Variants in PTK6 observed in about 807,000 individuals in gnomAD.
PTK6 encodes the protein protein tyrosine kinase 6.
Under a neutral mutation model 47.5 loss-of-function variants are expected in PTK6, and 47 were observed. The observed-to-expected ratio is 0.99, with a 90% CI of 0.78 to 1.26. The LOEUF is 1.26. Ranked by LOEUF, PTK6 falls within the 50% of genes most tolerant of loss-of-function variation. PTK6 has a pLI of 0.00. For missense variants in PTK6, 618 were observed against 625.3 expected (o/e 0.99, Z 0.12); for synonymous variants, 287 against 276.5 (o/e 1.04, Z -0.38).
rs775054676 is a variant in PTK6 at position 63,529,647 on chromosome 20, G to A, written c.1245C>T (p.Ser415=). The change falls in exon 8 of 8, where the codon AGC becomes AGT. Residue 415 remains serine, a synonymous_variant. Coordinates refer to ENST00000542869, the MANE Select transcript of PTK6 (RefSeq NM_005975.4). This position sits in a 1 kb window ranked among gnomAD's most constrained non-coding sequence, Gnocchi z 5.6. ...AGCATGTCAGCATCAGCTTGTGCAC[G>A]CTGGGCGGGCACTCCAGAGGGCAGG... The part of the protein sequence containing the change: ...RMPCPLECPP[S]VHKLMLTCWC... 9.0e-6 allele frequency: 14 copies of A among 1,547,822 alleles called. No individual in the cohort carries two copies. The highest frequency in any genetic ancestry group is 2.4e-5 in the South Asian group (2 of 83,840).
In PTK6 at chr20:63,530,899, C is replaced by T. The variant is rs757476804; in HGVS notation, c.861G>A (p.Ser287=). 1.6e-5 allele frequency: 25 copies of T among 1,612,800 alleles called. No individual in the cohort carries two copies. Among genetic ancestry groups the T allele is most frequent in the East Asian group, 6.7e-5 (3 of 44,776 alleles). The change falls in exon 6 of 8, where the codon TCG becomes TCA. Residue 287 remains serine (S), a synonymous_variant. Transcript: ENST00000542869. This position sits in a 1 kb window ranked among gnomAD's most constrained non-coding sequence, Gnocchi z 4.1. ...RDSDEKVLPV[S]ELLDIAWQVA... is the part of the protein sequence containing the mutation. ...CCTGCCAGGCGATGTCCAGCAGCTCCGAAACGGGCAGGACTTTCTCATCAG... is the reference window on the plus strand; with the variant it reads ...CCTGCCAGGCGATGTCCAGCAGCTCTGAAACGGGCAGGACTTTCTCATCAG...
chr20:63,529,541 T>C lies in PTK6; in HGVS notation c.1351A>G (p.Thr451Ala). 1 of 1,567,306 alleles carries C rather than the reference T, an allele frequency of 6.4e-7. No individual in the cohort carries two copies. Among genetic ancestry groups the C allele is most frequent in the East Asian group, 2.4e-5 (1 of 42,424 alleles). ...LSSFTSYENP[T>A] is the part of the protein sequence containing the mutation. Reference sequence around the variant, plus strand: ...CATGCCCGCTCCACAGCAGCTCAGGTCGGGTTCTCGTAGCTGGTGAAGCTG... The same window carrying C: ...CATGCCCGCTCCACAGCAGCTCAGGCCGGGTTCTCGTAGCTGGTGAAGCTG... The change falls in exon 8 of 8, where the codon ACC (threonine) becomes GCC (alanine). Residue 451 changes from threonine (T) to alanine (A), a missense_variant. Thr to Ala is a moderately conservative substitution (Grantham distance 58, BLOSUM62 0). Coordinates refer to ENST00000542869, the MANE Select transcript of PTK6 (RefSeq NM_005975.4). The surrounding 1 kb of genome is among the most constrained non-coding windows in gnomAD (Gnocchi z 5.6).
intron 4 of PTK6, 117 bp from the exon 5 acceptor site, chr20:63,532,804 C>T: frequency 7.6e-7 from 1 of 1,323,880 alleles, no homozygotes; most frequent in Non-Finnish European, 1.0e-6. Context: ...GTGCAGGACA[C>T]ACAGACCTCC....
At position 63,530,286 on chromosome 20, in the gene PTK6, G is replaced by A. The variant is rs1472700849; in HGVS notation, c.1015-55C>T. Reference sequence around the variant, plus strand: ...TGGGGGCTGCCTGTGCCCTGCCCCCGAAGCATGGACGGGCACAGCGGCCGC... The same window carrying A: ...TGGGGGCTGCCTGTGCCCTGCCCCCAAAGCATGGACGGGCACAGCGGCCGC... On this transcript the variant is annotated intron_variant, in intron 6 of 7. Transcript: ENST00000542869. This position sits in a 1 kb window ranked among gnomAD's most constrained non-coding sequence, Gnocchi z 4.1. The A allele has an allele frequency of 8.1e-6, 13 of 1,597,076 alleles. No homozygotes were observed. The highest frequency in any genetic ancestry group is 6.7e-5 in the Admixed American group (4 of 59,530).
At chr20:63,535,912 C>G (rs1268731043) in intron 1 of PTK6, among the ~76,000 whole-genome samples, 3 of 29,304 alleles carry the variant, frequency 1.0e-4, no homozygotes, top group Admixed American at 2.9e-4. Flanking sequence ...CCGCCCCCCC[C>G]TCACCTGGCC....
At chr20:63,532,355 C>CTGTG (rs1200462020) in intron 5 of PTK6, among the ~76,000 whole-genome samples, 171 bp downstream of exon 5, 3 of 143,220 alleles carry the variant, frequency 2.1e-5, no homozygotes, top group African/African-American at 7.7e-5. Context: ...GCATGTGTGT[C>CTGTG]TGTGCGTGTG....
chr20:63,534,929 G>A lies in PTK6; in HGVS notation c.352+9C>T, dbSNP rs748934937. On this transcript the variant is annotated intron_variant, in intron 2 of 7. Coordinates refer to ENST00000542869, the MANE Select transcript of PTK6 (RefSeq NM_005975.4). The stretch of plus-strand genomic sequence containing the variant: ...CAGGCAAGCACAGGCTCGGAGGCCG[G>A]GGCCGCACCCGACAGGACGTAGTCG... The A allele has an allele frequency of 7.5e-6, 12 of 1,590,616 alleles. No homozygotes were observed. The East Asian group carries it at 2.7e-4, about 36-fold the overall frequency.
chr20:63,534,847 G>T, intron 2 of PTK6, 91 bp downstream of exon 2: 1 of 1,465,580 alleles, frequency 6.8e-7, no homozygotes, highest in Admixed American at 2.2e-5. Context: ...CCCCGTCTCA[G>T]CCAGAGCGAG....
In PTK6 at chr20:63,530,697, C is replaced by T. The variant is rs771878133; in HGVS notation, c.1014+49G>A. Reference sequence around the variant, plus strand: ...CCACACACAGGAAGCCCCCAGCCCTCCGGCCACGCCCCGGCCACGACCCCA... The same window carrying T: ...CCACACACAGGAAGCCCCCAGCCCTTCGGCCACGCCCCGGCCACGACCCCA... On this transcript the variant is annotated intron_variant, in intron 6 of 7. Coordinates refer to ENST00000542869, the MANE Select transcript of PTK6 (RefSeq NM_005975.4). This position sits in a 1 kb window ranked among gnomAD's most constrained non-coding sequence, Gnocchi z 4.1. The T allele has an allele frequency of 1.7e-5, 27 of 1,592,522 alleles. No homozygotes were observed. In the East Asian group the frequency reaches 4.5e-4, roughly 27 times the overall value.
chr20:63,529,501 T>G lies in PTK6; in HGVS notation c.*35A>C. ...CCAGGCCCTCTGCCCAGGCCCCTCC[T>G]CAGCAGGGCCCGGCCATGCCCGCTC... On this transcript the variant is annotated 3_prime_UTR_variant, in exon 8 of 8. Transcript: ENST00000542869. This position sits in a 1 kb window ranked among gnomAD's most constrained non-coding sequence, Gnocchi z 5.6. The G allele has an allele frequency of 6.6e-7, 1 of 1,514,220 alleles. No homozygotes were observed. The highest frequency in any genetic ancestry group is 8.8e-7 in the Non-Finnish European group (1 of 1,131,270). 93.8% of individuals were successfully genotyped at this position (1,514,220 alleles called of 1,614,324 possible). A position where few individuals can be genotyped will look rare whatever the true frequency, so the allele number is the denominator to read the frequency against.
At chr20:63,536,429 G>A (rs1176550019) in intron 1 of PTK6, among the ~76,000 whole-genome samples, 2 of 149,724 alleles carry the variant, frequency 1.3e-5, no homozygotes, top group African/African-American at 2.5e-5. Context: ...TGGGTCCCCC[G>A]GGAGCTAACC....
At position 63,530,902 on chromosome 20, in the gene PTK6, A is replaced by G. The variant is rs138147541; in HGVS notation, c.858T>C (p.Val286=). ...LRDSDEKVLP[V]SELLDIAWQV... is the part of the protein sequence containing the mutation. ...GCCAGGCGATGTCCAGCAGCTCCGA[A>G]ACGGGCAGGACTTTCTCATCAGAGT... The change falls in exon 6 of 8, where the codon GTT becomes GTC. Residue 286 remains valine, a synonymous_variant. Coordinates refer to ENST00000542869, the MANE Select transcript of PTK6 (RefSeq NM_005975.4). This position sits in a 1 kb window ranked among gnomAD's most constrained non-coding sequence, Gnocchi z 4.1. The G allele has an allele frequency of 4.3e-6, 7 of 1,612,588 alleles. No homozygotes were observed. Among genetic ancestry groups the G allele is most frequent in the Non-Finnish European group, 4.2e-6 (5 of 1,179,454 alleles).
chr20:63,534,895 G>A, intron 2 of PTK6, 43 bp downstream of exon 2: 1 of 1,560,428 alleles, frequency 6.4e-7, no homozygotes, highest in African/African-American at 1.4e-5. Flanking sequence ...TTAGAGCCAG[G>A]AGCCCCCGCA....
At chr20:63,531,740 G>A (rs969016302) in intron 5 of PTK6, among the ~76,000 whole-genome samples, 3 of 152,232 alleles carry the variant, frequency 2.0e-5, no homozygotes, top group East Asian at 1.9e-4. Context: ...TCATGACTGC[G>A]TGATGTAGGC....
At chr20:63,532,446 G>T in intron 5 of PTK6, 80 bp downstream of exon 5, 1 of 1,449,244 alleles carries the variant, frequency 6.9e-7, no homozygotes, top group African/African-American at 2.3e-5. Flanking sequence ...TGTGTGTGTA[G>T]ACGTGGGGGG....
rs2082610873 is a variant in PTK6, at chr20:63,530,647, C to G, written c.1014+99G>C. The G allele has an allele frequency of 7.0e-7, 1 of 1,427,730 alleles. No homozygotes were observed. The highest frequency in any genetic ancestry group is 2.4e-5 in the Admixed American group (1 of 40,958). 88.4% of individuals were successfully genotyped at this position (1,427,730 alleles called of 1,614,324 possible). On this transcript the variant is annotated intron_variant, in intron 6 of 7. Transcript: ENST00000542869. The surrounding 1 kb of genome is among the most constrained non-coding windows in gnomAD (Gnocchi z 4.1). ...GGGCTCCCGAGGGCAGGGGCCGCAT[C>G]CTGCTCCCAGCCGAGTCCCCAGCTC...
chr20:63,534,950 A>C lies in PTK6; in HGVS notation c.340T>G (p.Tyr114Asp), dbSNP rs1293641513. 1 of 1,603,924 alleles carries C rather than the reference A, an allele frequency of 6.2e-7. No individual in the cohort carries two copies. The highest frequency in any genetic ancestry group is 2.2e-5 in the East Asian group (1 of 44,576). Residue 114 changes from tyrosine (Y) to aspartate (D), a missense_variant, in exon 2 of 8, where the codon TAC becomes GAC. Coordinates refer to ENST00000542869, the MANE Select transcript of PTK6 (RefSeq NM_005975.4). The stretch of plus-strand genomic sequence containing the variant: ...GCCGGGGCCGCACCCGACAGGACGT[A>C]GTCGGCACTCGGCTTCTCGCTGACC... ...IRVSEKPSADYVLSVRDTQAV... is the reference protein window; with the variant it reads ...IRVSEKPSADDVLSVRDTQAV...
chr20:63,535,036 C>T lies in PTK6; in HGVS notation c.254G>A (p.Arg85His), dbSNP rs146949365. Residue 85 changes from arginine (R) to histidine (H), a missense_variant, in exon 2 of 8, where the codon CGC (arginine) becomes CAC (histidine). Transcript: ENST00000542869. The stretch of plus-strand genomic sequence containing the variant: ...CTGCAGCCGACGCACAGCTTCCGAG[C>T]GGGAGATGCAGCCAAAGAACCACCT... The part of the protein sequence containing the change: ...SEPWFFGCIS[R>H]SEAVRRLQAE... 2.2e-5 allele frequency: 35 copies of T among 1,603,242 alleles called. No homozygotes were observed. In the African/African-American group the frequency reaches 3.7e-4, roughly 17 times the overall value.
In PTK6 at chr20:63,533,196, T is replaced by G. The variant is rs2082638945; in HGVS notation, c.670+355A>C. Among the ~76,000 whole-genome samples, 1 of 151,778 alleles carries G rather than the reference T, an allele frequency of 6.6e-6. No homozygotes were observed. The highest frequency in any genetic ancestry group is 2.1e-4 in the South Asian group (1 of 4,814). ...GATTCTCCTGCCTCAGCCTCCCGAGTAGCTGGGACTACAGGCACATGCCTC... is the reference window on the plus strand; with the variant it reads ...GATTCTCCTGCCTCAGCCTCCCGAGGAGCTGGGACTACAGGCACATGCCTC... On this transcript the variant is annotated intron_variant, in intron 4 of 7. Transcript: ENST00000542869. The surrounding 1 kb of genome is among the most constrained non-coding windows in gnomAD (Gnocchi z 4.0).
Sources: gnomAD v4.1 joint callset for allele counts (sites outside exome capture counted in the v4.1 genomes callset) on GRCh38, gnomAD v4.1.1 for gene constraint, Gnocchi (gnomAD v3.1) non-coding constraint, MANE v1.5 for transcripts, NCBI Gene and HGNC (gene_info 2026-07-23, HGNC 2026-07-21) for gene names.